The following SIRT2 variants were observed in gnomAD, a reference collection of about 807,000 sequenced individuals.
SIRT2 encodes the protein sirtuin 2.
In SIRT2, 40 loss-of-function variants were observed where a neutral mutation model predicts 57.4. The ratio of observed to expected loss-of-function variants is 0.70; its 90% CI spans 0.54 to 0.91. SIRT2 has a LOEUF of 0.91. Ranked by LOEUF, SIRT2 falls within the 40% of genes least tolerant of loss-of-function variation. SIRT2 has a pLI of 0.00. For synonymous variants in SIRT2, 161 were observed against 195.7 expected (o/e 0.82, Z 1.48); for missense variants, 439 against 510.4 (o/e 0.86, Z 1.35).
rs146996703 is a variant in SIRT2, at chr19:38,886,314, A to G, written c.502-2558T>C. ...TCTAAATCTTGGTTTTGCCTTTGGTACTTGACTCAGTCTACCCACTGACTC... is the reference window on the plus strand; with the variant it reads ...TCTAAATCTTGGTTTTGCCTTTGGTGCTTGACTCAGTCTACCCACTGACTC... On this transcript the variant is annotated intron_variant, in intron 8 of 15. Transcript: ENST00000249396. 1.9e-3 allele frequency among the ~76,000 whole-genome samples: 282 copies of G among 152,276 alleles called. 3 individuals carry two copies. Among genetic ancestry groups the G allele is most frequent in the East Asian group, 0.014 (74 of 5,190 alleles).
rs202089013 is a variant in SIRT2, at chr19:38,883,675, A to C, written c.583T>G (p.Cys195Gly). Residue 195 changes from cysteine to glycine, a missense_variant, in exon 9 of 16, where the codon TGC becomes GGC. Cys to Gly is a radical substitution (Grantham distance 159, BLOSUM62 -3). Coordinates refer to ENST00000249396, the MANE Select transcript of SIRT2 (RefSeq NM_012237.4). ...TCGTGCCGGCAGCTGGCGCTGACGCAGTGTGATGTGTAGAAGGTGCCGTGC... is the reference window on the plus strand; with the variant it reads ...TCGTGCCGGCAGCTGGCGCTGACGCCGTGTGATGTGTAGAAGGTGCCGTGC... Reference protein sequence around the residue: ...EAHGTFYTSHCVSASCRHEYP... With the variant: ...EAHGTFYTSHGVSASCRHEYP... 12 of 1,614,122 alleles carry C rather than the reference A, an allele frequency of 7.4e-6. No homozygotes were observed. Among genetic ancestry groups the C allele is most frequent in the Non-Finnish European group, 1.0e-5 (12 of 1,179,988 alleles).
chr19:38,880,351 G>C lies in SIRT2; in HGVS notation c.876+334C>G, dbSNP rs1226443573. On this transcript the variant is annotated intron_variant, in intron 13 of 15. Coordinates refer to ENST00000249396, the MANE Select transcript of SIRT2 (RefSeq NM_012237.4). The surrounding 1 kb of genome is among the most constrained non-coding windows in gnomAD (Gnocchi z 4.1). The stretch of plus-strand genomic sequence containing the variant: ...ACCTGCCCTAGAGTGAGGCTGCCCA[G>C]GAAAAACAGACCTGAGAGACCCAGA... 1.4e-5 allele frequency: 4 copies of C among 294,650 alleles called. No individual in the cohort carries two copies. Among genetic ancestry groups the C allele is most frequent in the African/African-American group, 6.6e-5 (3 of 45,708 alleles). The allele number at this position is 294,650 out of a possible 1,614,324, so 18.3% of individuals were successfully genotyped here. A position where few individuals can be genotyped will look rare whatever the true frequency, so the allele number is the denominator to read the frequency against.
chr19:38,896,949 G>A (rs576140467), intron 2 of SIRT2, among the ~76,000 whole-genome samples: 115 of 152,288 alleles, frequency 7.6e-4, no homozygotes, highest in Non-Finnish European at 1.3e-3. Context: ...AGGGAGAGCC[G>A]GAGGTGCTGA....
intron 2 of SIRT2, chr19:38,894,736 T>C (rs1973661245): frequency 4.4e-6 from 2 of 452,096 alleles, no homozygotes; most frequent in South Asian, 3.1e-5. Context: ...CTCTGTCTCC[T>C]TCCTCGAAGC....
chr19:38,892,352 T>C (rs763045397), intron 4 of SIRT2, among the ~76,000 whole-genome samples: 11 of 149,732 alleles, frequency 7.3e-5, no homozygotes, highest in African/African-American at 1.7e-4. Flanking sequence ...GCTGAGATTG[T>C]GCCACTGCAC....
rs1600104621 is a variant in SIRT2, at chr19:38,880,305, G to A, written c.876+380C>T. ...CGGTGACCCTGCCTACTTCCCCTGAGGGGAACACCTAGGAGGGAGCACCTG... is the reference window on the plus strand; with the variant it reads ...CGGTGACCCTGCCTACTTCCCCTGAAGGGAACACCTAGGAGGGAGCACCTG... On this transcript the variant is annotated intron_variant, in intron 13 of 15. Transcript: ENST00000249396. This position sits in a 1 kb window ranked among gnomAD's most constrained non-coding sequence, Gnocchi z 4.1. 2 of 232,182 alleles carry A rather than the reference G, an allele frequency of 8.6e-6. No individual in the cohort carries two copies. The highest frequency in any genetic ancestry group is 5.1e-5 in the Admixed American group (1 of 19,694). The allele number at this position is 232,182 out of a possible 1,614,324, so 14.4% of individuals were successfully genotyped here.
At chr19:38,892,225 GTC>G (rs1207273566) in intron 4 of SIRT2, among the ~76,000 whole-genome samples, 2 of 152,024 alleles carry the variant, frequency 1.3e-5, no homozygotes, top group Admixed American at 6.6e-5. Flanking sequence ...GTGAAACCCT[GTC>G]TCTACTAAAA....
At chr19:38,895,943 G>A (rs1006349750) in intron 2 of SIRT2, among the ~76,000 whole-genome samples, 1 of 152,248 alleles carries the variant, frequency 6.6e-6, no homozygotes, top group South Asian at 2.1e-4. Flanking sequence ...ATGGTGGCAC[G>A]TGTCTGTAGT....
intron 7 of SIRT2, 39 bp downstream of exon 7, chr19:38,889,650 A>G: frequency 1.2e-6 from 2 of 1,611,736 alleles, no homozygotes; most frequent in East Asian, 2.2e-5. Flanking sequence ...CCCTCCCCCA[A>G]CCCTTCCTGT....
In SIRT2 at chr19:38,879,560, T is replaced by A. The variant is rs1336849854; in HGVS notation, c.948-60A>T. 5 of 1,558,028 alleles carry A rather than the reference T, an allele frequency of 3.2e-6. No individual in the cohort carries two copies. In the African/African-American group the frequency reaches 5.4e-5, roughly 17 times the overall value. On this transcript the variant is annotated intron_variant, in intron 14 of 15. Coordinates refer to ENST00000249396, the MANE Select transcript of SIRT2 (RefSeq NM_012237.4). ...GGCTCGCCCCTGCCTGCTCCTCTCATCTGCCTTCGTGCCCCCGCTCCCACC... is the reference window on the plus strand; with the variant it reads ...GGCTCGCCCCTGCCTGCTCCTCTCAACTGCCTTCGTGCCCCCGCTCCCACC...
At position 38,889,669 on chromosome 19, in the gene SIRT2, C is replaced by G; in HGVS notation, c.432+20G>C. ...CCCCCAACCCTTCCTGTTTCGCCCC[C>G]TGCAAAACAAAGATCTCACCTTGAA... On this transcript the variant is annotated intron_variant, in intron 7 of 15. Coordinates refer to ENST00000249396, the MANE Select transcript of SIRT2 (RefSeq NM_012237.4). 6.2e-7 allele frequency: 1 copy of G among 1,613,488 alleles called. No homozygotes were observed. The highest frequency in any genetic ancestry group is 8.5e-7 in the Non-Finnish European group (1 of 1,179,984).
chr19:38,885,881 G>T (rs891863529), intron 8 of SIRT2, among the ~76,000 whole-genome samples: 2 of 152,106 alleles, frequency 1.3e-5, no homozygotes, highest in Non-Finnish European at 2.9e-5. Context: ...GAGCCACTGC[G>T]CCCGGCCACT....
chr19:38,891,755 A>T, intron 4 of SIRT2: 1 of 399,950 alleles, frequency 2.5e-6, no homozygotes. Flanking sequence ...GTTATTTTTC[A>T]TTACTATCTC....
intron 9 of SIRT2, among the ~76,000 whole-genome samples, chr19:38,881,877 A>G (rs1672613912): frequency 6.6e-6 from 1 of 151,592 alleles, no homozygotes. Flanking sequence ...TTGTAGAGAC[A>G]GGGTTTCGCC....
rs773864674 is a variant in SIRT2, at chr19:38,890,141, C to G, written c.230G>C (p.Arg77Pro). ...VARYMQSERC[R>P]RVICLVGAGI... ...AGCTCCCACCAAACAGATGACTCTGCGACCTGGAGGAGAGGAACTTATGCA... is the reference window on the plus strand; with the variant it reads ...AGCTCCCACCAAACAGATGACTCTGGGACCTGGAGGAGAGGAACTTATGCA... Residue 77 changes from arginine (R) to proline (P), a missense_variant, in exon 5 of 16, where the codon CGC becomes CCC. Transcript: ENST00000249396. 6 of 1,614,038 alleles carry G rather than the reference C, an allele frequency of 3.7e-6. No individual in the cohort carries two copies. In the African/African-American group the frequency reaches 8.0e-5, roughly 22 times the overall value.
At chr19:38,879,370 C>A in intron 15 of SIRT2, 60 bp from the exon 16 acceptor site, 1 of 1,604,412 alleles carries the variant, frequency 6.2e-7, no homozygotes, top group Non-Finnish European at 8.5e-7. Flanking sequence ...TCAGAGGACC[C>A]ATGGGGTGGG....
chr19:38,881,635 C>T, intron 9 of SIRT2, 144 bp from the exon 10 acceptor site: 1 of 654,420 alleles, frequency 1.5e-6, no homozygotes. Context: ...CCTGAGGTGT[C>T]CACTCTGCTC....
intron 14 of SIRT2, 28 bp downstream of exon 14, chr19:38,879,604 G>A: frequency 6.4e-7 from 1 of 1,560,476 alleles, no homozygotes; most frequent in African/African-American, 1.4e-5. Context: ...TCCCTTCCAG[G>A]CTGCCCCAAC....
At chr19:38,879,895 G>A (rs186503929) in intron 13 of SIRT2, 193 bp from the exon 14 acceptor site, 21 of 578,654 alleles carry the variant, frequency 3.6e-5, no homozygotes, top group Admixed American at 3.0e-4. Flanking sequence ...ATGTGATCTC[G>A]GCTCACTGCA....
Sources: allele counts gnomAD v4.1 joint callset (sites outside exome capture counted in the v4.1 genomes callset), GRCh38; gene constraint gnomAD v4.1.1; non-coding constraint Gnocchi (gnomAD v3.1); transcripts MANE v1.5; gene names NCBI Gene and HGNC (gene_info 2026-07-23, HGNC 2026-07-21).